Variants in RPS6KC1 observed in about 807,000 individuals in gnomAD.
RPS6KC1 encodes ribosomal protein S6 kinase C1, also known as inactive ribosomal protein S6 kinase delta-1.
A neutral mutation model predicts 103.8 loss-of-function variants in RPS6KC1; 54 were observed. That is an observed-to-expected ratio of 0.52 (90% CI 0.42 to 0.65). RPS6KC1 has a LOEUF of 0.65. Among genes scored for constraint, RPS6KC1 ranks in the 30% least tolerant of loss-of-function variants. The pLI is 0.00. For missense variants in RPS6KC1, 1,151 were observed against 1,253.8 expected, an observed-to-expected ratio of 0.92 and a Z score of 1.24; for synonymous variants, 439 against 438.7, an observed-to-expected ratio of 1.00 and a Z score of -0.01.
At chr1:213,071,121 C>A in intron 2 of RPS6KC1, 80 bp downstream of exon 2, 3 of 809,860 alleles carry the variant, frequency 3.7e-6, no homozygotes, top group Admixed American at 2.8e-5. Flanking sequence ...TTGCCTGAAT[C>A]ATTTGTACAT....
At chr1:213,319,312 C>CAAAA in the RPS6KC1 span, among the ~76,000 whole-genome samples, 125 of 90,102 alleles carry the variant, frequency 1.4e-3, 3 homozygotes, top group East Asian at 3.1e-3. Context: ...GACTCTGTCT[C>CAAAA]AAAAAAAAAA....
At chr1:213,239,252 A>G (rs2094296342) in intron 10 of RPS6KC1, among the ~76,000 whole-genome samples, 1 of 151,956 alleles carries the variant, frequency 6.6e-6, no homozygotes, top group African/African-American at 2.4e-5. Context: ...GCAGGAGGAT[A>G]ACTTGAACCG....
At chr1:213,359,265 G>A in the RPS6KC1 span, among the ~76,000 whole-genome samples, 477 of 152,300 alleles carry the variant, frequency 3.1e-3, 3 homozygotes, top group African/African-American at 0.011. Flanking sequence ...ATATATTTAG[G>A]ATAGTTAGCT....
chr1:213,093,225 T>A (rs1420210931), intron 3 of RPS6KC1, among the ~76,000 whole-genome samples: 2 of 149,666 alleles, frequency 1.3e-5, no homozygotes, highest in Admixed American at 6.6e-5. Flanking sequence ...TTTTTTTTTT[T>A]AATGAGGCGG....
chr1:213,298,743 C>T, the RPS6KC1 span, among the ~76,000 whole-genome samples: 3 of 151,890 alleles, frequency 2.0e-5, no homozygotes, highest in East Asian at 5.8e-4. Context: ...AATTTTATAG[C>T]ATCTTATTCT....
chr1:213,398,291 C>G, the RPS6KC1 span, among the ~76,000 whole-genome samples: 1 of 151,116 alleles, frequency 6.6e-6, no homozygotes, highest in Admixed American at 6.6e-5. Context: ...GGCAATCTGC[C>G]TGCCTTCGGC....
rs1273841127 is a variant in RPS6KC1, at chr1:213,273,577, TTG to T, written c.*945_*946del. ...CTACCATTGCTTCTCATGCTTGACTTTGTTTTACTTTTTGGCTTGGTATACTA... is the reference window on the plus strand; with the variant it reads ...CTACCATTGCTTCTCATGCTTGACTTTTTTACTTTTTGGCTTGGTATACTA... On this transcript the variant is annotated 3_prime_UTR_variant, in exon 15 of 15. Coordinates refer to ENST00000366960, the MANE Select transcript of RPS6KC1 (RefSeq NM_012424.6). The T allele has an allele frequency of 6.5e-6, 1 of 152,800 alleles. No individual in the cohort carries two copies. Among genetic ancestry groups the T allele is most frequent in the African/African-American group, 2.4e-5 (1 of 41,594 alleles). 9.5% of individuals were successfully genotyped at this position (152,800 alleles called of 1,614,324 possible). A position where few individuals can be genotyped will look rare whatever the true frequency, so the allele number is the denominator to read the frequency against.
chr1:213,688,279 G>A, the RPS6KC1 span, among the ~76,000 whole-genome samples: 2 of 152,124 alleles, frequency 1.3e-5, no homozygotes, highest in African/African-American at 4.8e-5. Flanking sequence ...ACCTCTAGTT[G>A]TCTTGGCTTT....
the RPS6KC1 span, among the ~76,000 whole-genome samples, chr1:213,583,473 T>C: frequency 5.7e-3 from 863 of 152,248 alleles, 13 homozygotes; most frequent in African/African-American, 0.02. Context: ...ATGGACACCA[T>C]ATAGATTTGC....
the RPS6KC1 span, among the ~76,000 whole-genome samples, chr1:213,536,854 G>A: frequency 2.6e-4 from 40 of 152,292 alleles, no homozygotes; most frequent in African/African-American, 9.6e-4. Context: ...AGGAGACATG[G>A]CGTTTTATTA....
chr1:213,535,085 G>A, the RPS6KC1 span, among the ~76,000 whole-genome samples: 5 of 152,172 alleles, frequency 3.3e-5, no homozygotes, highest in East Asian at 3.9e-4. Flanking sequence ...TAAGAAAGCC[G>A]ATCAGCTTAG....
chr1:213,229,510 G>A (rs2094038792), intron 8 of RPS6KC1, among the ~76,000 whole-genome samples: 1 of 152,140 alleles, frequency 6.6e-6, no homozygotes, highest in South Asian at 2.1e-4. Context: ...TAATGACAAA[G>A]TTGAAAAGCT....
chr1:213,590,409 G>A, the RPS6KC1 span, among the ~76,000 whole-genome samples: 18,128 of 152,108 alleles, frequency 0.12, 1,638 homozygotes, highest in African/African-American at 0.25. Context: ...AAAGGTCAGC[G>A]TGTTGAAGGT....
intron 8 of RPS6KC1, among the ~76,000 whole-genome samples, chr1:213,225,513 C>T (rs967031697): frequency 2.0e-5 from 3 of 152,158 alleles, no homozygotes; most frequent in Admixed American, 6.5e-5. Flanking sequence ...CTCACCCTCC[C>T]GAGTAGCTGG....
the RPS6KC1 span, among the ~76,000 whole-genome samples, chr1:213,761,622 C>T: frequency 3.2e-4 from 48 of 152,250 alleles, no homozygotes; most frequent in Admixed American, 7.2e-4. Context: ...AGGCAAATGG[C>T]TTCTGCCTTT....
At chr1:213,676,215 C>T in the RPS6KC1 span, among the ~76,000 whole-genome samples, 1 of 152,176 alleles carries the variant, frequency 6.6e-6, no homozygotes, top group Admixed American at 6.5e-5. Context: ...AGCTGGCAAG[C>T]TCTGTGTCCC....
chr1:213,754,664 T>A, the RPS6KC1 span, among the ~76,000 whole-genome samples: 1 of 152,238 alleles, frequency 6.6e-6, no homozygotes, highest in Non-Finnish European at 1.5e-5. Context: ...CAGAAGCAGA[T>A]GCTGCCGTGC....
chr1:213,760,351 T>C, the RPS6KC1 span, among the ~76,000 whole-genome samples: 2 of 152,182 alleles, frequency 1.3e-5, no homozygotes, highest in African/African-American at 4.8e-5. Context: ...GAGTAATGGT[T>C]GGGACACAAT....
At chr1:213,704,203 CG>C in the RPS6KC1 span, among the ~76,000 whole-genome samples, 1 of 150,932 alleles carries the variant, frequency 6.6e-6, no homozygotes, top group African/African-American at 2.4e-5. Flanking sequence ...CTGGCTAACA[CG>C]GTGAAACCCC....
Sources: gnomAD v4.1 joint callset for allele counts (sites outside exome capture counted in the v4.1 genomes callset) on GRCh38, gnomAD v4.1.1 for gene constraint, MANE v1.5 for transcripts, NCBI Gene and HGNC (gene_info 2026-07-23, HGNC 2026-07-21) for gene names.